SLC25A13: variants seen among roughly 807,000 people sequenced by gnomAD.
The protein encoded by SLC25A13 is solute carrier family 25 member 13.
Under a neutral mutation model 85.5 loss-of-function variants are expected in SLC25A13, and 70 were observed. The ratio of observed to expected loss-of-function variants is 0.82; its 90% CI spans 0.68 to 1.00. The LOEUF is 1.00. Ranked by LOEUF, SLC25A13 falls within the 50% of genes least tolerant of loss-of-function variation. SLC25A13 has a pLI of 0.00. For missense variants in SLC25A13, 765 were observed against 819.8 expected, an observed-to-expected ratio of 0.93 and a Z score of 0.82; for synonymous variants, 259 against 288.7, an observed-to-expected ratio of 0.90 and a Z score of 1.04.
At chr7:96,305,389 T>C (rs1350254436) in intron 1 of SLC25A13, among the ~76,000 whole-genome samples, 6 of 152,252 alleles carry the variant, frequency 3.9e-5, no homozygotes, top group Non-Finnish European at 2.9e-5. Flanking sequence ...TAAATGCCCA[T>C]GGCTCAGTAG....
intron 13 of SLC25A13, among the ~76,000 whole-genome samples, chr7:96,158,622 C>G (rs1170515100): frequency 5.9e-5 from 9 of 152,200 alleles, no homozygotes; most frequent in Non-Finnish European, 1.3e-4. Context: ...TAATTGCACA[C>G]TGACATTCTA....
At chr7:96,258,803 G>A (rs1314154166) in intron 3 of SLC25A13, among the ~76,000 whole-genome samples, 1 of 152,132 alleles carries the variant, frequency 6.6e-6, no homozygotes, top group African/African-American at 2.4e-5. Flanking sequence ...CATGCTACCT[G>A]ACTTCAAACT....
chr7:96,279,988 T>A (rs1224060208), intron 2 of SLC25A13, among the ~76,000 whole-genome samples: 1 of 152,190 alleles, frequency 6.6e-6, no homozygotes. Context: ...CCAGTTCTGA[T>A]GAACTGGCAA....
chr7:96,237,236 G>A (rs568422469), intron 3 of SLC25A13, among the ~76,000 whole-genome samples: 4 of 152,316 alleles, frequency 2.6e-5, no homozygotes, highest in South Asian at 4.1e-4. Flanking sequence ...CAAAAAACTG[G>A]TGCTTTGTGT....
chr7:96,266,430 C>A (rs1009867033), intron 3 of SLC25A13, among the ~76,000 whole-genome samples: 5 of 152,132 alleles, frequency 3.3e-5, no homozygotes, highest in African/African-American at 1.2e-4. Context: ...TTCAACCTCC[C>A]TTTTCCCTCC....
intron 1 of SLC25A13, among the ~76,000 whole-genome samples, chr7:96,316,149 C>G (rs1469402780): frequency 1.3e-5 from 2 of 151,826 alleles, no homozygotes; most frequent in Non-Finnish European, 2.9e-5. Flanking sequence ...TATTATAGTC[C>G]AAATCCTAAT....
chr7:96,214,912 T>C (rs932859606), intron 4 of SLC25A13, among the ~76,000 whole-genome samples: 2 of 152,118 alleles, frequency 1.3e-5, no homozygotes, highest in Non-Finnish European at 2.9e-5. Flanking sequence ...GTTCACGGAT[T>C]AAAAGACTTG....
At chr7:96,222,102 G>A (rs929625125) in intron 4 of SLC25A13, among the ~76,000 whole-genome samples, 59 of 152,300 alleles carry the variant, frequency 3.9e-4, no homozygotes, top group African/African-American at 1.4e-3. Flanking sequence ...TAAATTAAAA[G>A]TTCCAGGCTT....
At chr7:96,151,867 C>T (rs993038944) in intron 13 of SLC25A13, among the ~76,000 whole-genome samples, 9 of 152,000 alleles carry the variant, frequency 5.9e-5, no homozygotes, top group East Asian at 1.9e-4. Context: ...ATCACTTGAT[C>T]CCGGGCAGCG....
chr7:96,142,847 T>C (rs1052839457), intron 14 of SLC25A13, among the ~76,000 whole-genome samples: 4 of 152,236 alleles, frequency 2.6e-5, no homozygotes, highest in African/African-American at 9.6e-5. Context: ...TATCATAACT[T>C]GCTTTCTGAG....
At chr7:96,248,280 C>T (rs1489971599) in intron 3 of SLC25A13, among the ~76,000 whole-genome samples, 2 of 152,096 alleles carry the variant, frequency 1.3e-5, no homozygotes, top group East Asian at 3.8e-4. Context: ...CACTACTACC[C>T]GAATTTATTT....
At chr7:96,306,748 C>A in intron 1 of SLC25A13, 1 of 1,129,918 alleles carries the variant, frequency 8.9e-7, no homozygotes. Context: ...CCCTTCATCC[C>A]TCTGCATTTT....
At chr7:96,132,090 G>A (rs1792058434) in intron 14 of SLC25A13, among the ~76,000 whole-genome samples, 1 of 152,148 alleles carries the variant, frequency 6.6e-6, no homozygotes, top group African/African-American at 2.4e-5. Flanking sequence ...GTTTTGTTGT[G>A]TGCTGTGATG....
At chr7:96,221,622 T>G (rs1420374841) in intron 4 of SLC25A13, among the ~76,000 whole-genome samples, 1 of 152,230 alleles carries the variant, frequency 6.6e-6, no homozygotes, top group Non-Finnish European at 1.5e-5. Context: ...GGGTAAAGTC[T>G]GCCTTCTTCC....
chr7:96,314,241 C>T (rs903332781), intron 1 of SLC25A13, among the ~76,000 whole-genome samples: 1 of 151,880 alleles, frequency 6.6e-6, no homozygotes, highest in Non-Finnish European at 1.5e-5. Flanking sequence ...GAGGGGACAT[C>T]ATGAAAGCAG....
chr7:96,272,865 A>G (rs2116926589), intron 3 of SLC25A13, among the ~76,000 whole-genome samples: 2 of 152,344 alleles, frequency 1.3e-5, no homozygotes, highest in South Asian at 4.1e-4. Context: ...GCCACCTTTT[A>G]AACATCAATA....
intron 4 of SLC25A13, among the ~76,000 whole-genome samples, chr7:96,218,292 G>C (rs1795976087): frequency 6.6e-6 from 1 of 152,088 alleles, no homozygotes; most frequent in Non-Finnish European, 1.5e-5. Context: ...TGAATGAAAA[G>C]TGATCAAAAA....
At chr7:96,141,058 T>C (rs1349468743) in intron 14 of SLC25A13, among the ~76,000 whole-genome samples, 2 of 150,302 alleles carry the variant, frequency 1.3e-5, no homozygotes. Flanking sequence ...TCTCACTCTG[T>C]TGCTAGGGCT....
At chr7:96,217,428 T>A (rs904562672) in intron 4 of SLC25A13, among the ~76,000 whole-genome samples, 3 of 152,228 alleles carry the variant, frequency 2.0e-5, no homozygotes, top group Non-Finnish European at 4.4e-5. Context: ...CAAACTCACA[T>A]ACATGAATGT....
Sources: gnomAD v4.1 joint callset for allele counts (sites outside exome capture counted in the v4.1 genomes callset) on GRCh38, gnomAD v4.1.1 for gene constraint, MANE v1.5 for transcripts, NCBI Gene and HGNC (gene_info 2026-07-23, HGNC 2026-07-21) for gene names.